SEM1: variants seen among roughly 807,000 people sequenced by gnomAD.
SEM1 encodes the protein 26S proteasome complex subunit SEM1.
Under a neutral mutation model 12.7 loss-of-function variants are expected in SEM1, and 3 were observed. The observed-to-expected ratio is 0.24, with a 90% CI of 0.11 to 0.61. The LOEUF (loss-of-function observed/expected upper bound fraction) is 0.61. Ranked by LOEUF, SEM1 falls within the 20% of genes least tolerant of loss-of-function variation. The pLI, the probability that SEM1 is intolerant of heterozygous loss-of-function variation, is 0.88. For missense variants in SEM1, 59 were observed against 81.3 expected, an observed-to-expected ratio of 0.73 and a Z score of 1.06; for synonymous variants, 30 against 27.8, an observed-to-expected ratio of 1.08 and a Z score of -0.25.
intron 2 of SEM1, among the ~76,000 whole-genome samples, chr7:96,623,575 GTTTA>G (rs1366415689): frequency 6.8e-6 from 1 of 146,708 alleles, no homozygotes; most frequent in Non-Finnish European, 1.5e-5. Flanking sequence ...ATATGTACTT[GTTTA>G]TTATATATAA....
At chr7:96,554,973 G>C in intron 2 of SEM1, among the ~76,000 whole-genome samples, 1 of 131,716 alleles carries the variant, frequency 7.6e-6, no homozygotes, top group Non-Finnish European at 1.7e-5. Context: ...AGATTTTCTG[G>C]TTTATTTGCG....
chr7:96,597,242 C>T (rs1018889047), intron 2 of SEM1, among the ~76,000 whole-genome samples: 5 of 152,062 alleles, frequency 3.3e-5, no homozygotes, highest in African/African-American at 1.2e-4. Context: ...TAGGAGTATA[C>T]GTGAAATAAT....
At chr7:96,577,647 A>G (rs1266102691) in intron 2 of SEM1, among the ~76,000 whole-genome samples, 3 of 152,124 alleles carry the variant, frequency 2.0e-5, no homozygotes, top group Non-Finnish European at 4.4e-5. Flanking sequence ...GAAAACCCAG[A>G]GCTCAGGATT....
At chr7:96,702,612 A>AT (rs974252560) in intron 1 of SEM1, among the ~76,000 whole-genome samples, 2 of 152,184 alleles carry the variant, frequency 1.3e-5, no homozygotes, top group African/African-American at 4.8e-5. Context: ...ACTGCTATAC[A>AT]TTTTTTAAAA....
At chr7:96,658,801 G>C (rs1196282628) in intron 2 of SEM1, among the ~76,000 whole-genome samples, 1 of 152,174 alleles carries the variant, frequency 6.6e-6, no homozygotes, top group Non-Finnish European at 1.5e-5. Context: ...TCAGAGGTGG[G>C]GCAAATGGTT....
intron 2 of SEM1, among the ~76,000 whole-genome samples, chr7:96,583,221 C>T (rs1395507689): frequency 1.5e-4 from 23 of 148,844 alleles, no homozygotes; most frequent in Non-Finnish European, 3.3e-4. Flanking sequence ...GCCTTCATTT[C>T]GTTATGTATC....
At chr7:96,691,803 T>C (rs1048695247) in intron 2 of SEM1, among the ~76,000 whole-genome samples, 2 of 152,258 alleles carry the variant, frequency 1.3e-5, no homozygotes, top group African/African-American at 4.8e-5. Flanking sequence ...CCACATTTCA[T>C]GTGCTTAGTA....
At chr7:96,655,442 C>CTTTTTTTTTTTT (rs72335497) in intron 2 of SEM1, among the ~76,000 whole-genome samples, 1 of 137,698 alleles carries the variant, frequency 7.3e-6, no homozygotes, top group Non-Finnish European at 1.6e-5. Context: ...ATGCAAATAC[C>CTTTTTTTTTTTT]TTTTTTTTTT....
intron 1 of SEM1, among the ~76,000 whole-genome samples, chr7:96,488,714 G>A (rs972374616): frequency 3.3e-5 from 5 of 152,004 alleles, no homozygotes; most frequent in Non-Finnish European, 7.4e-5. Flanking sequence ...TTTTACCAAC[G>A]CTTTTCATCA....
chr7:96,603,648 G>A (rs780649284), intron 2 of SEM1, among the ~76,000 whole-genome samples: 10 of 151,898 alleles, frequency 6.6e-5, no homozygotes, highest in Non-Finnish European at 1.0e-4. Context: ...TGCTATTCCC[G>A]TCTTTCTTGG....
chr7:96,617,348 G>T (rs1363121373), intron 2 of SEM1, among the ~76,000 whole-genome samples: 2 of 151,984 alleles, frequency 1.3e-5, no homozygotes. Flanking sequence ...TTCTTAGCTA[G>T]ATCATTGTTG....
intron 2 of SEM1, among the ~76,000 whole-genome samples, chr7:96,653,471 G>C (rs998201306): frequency 2.0e-5 from 3 of 152,170 alleles, no homozygotes. Context: ...GGCAATTAAG[G>C]TGATTTCAGC....
chr7:96,688,726 G>C, downstream of SEM1: 2 of 449,156 alleles, frequency 4.5e-6, no homozygotes, highest in Non-Finnish European at 7.8e-6. Context: ...CAAGAAAATT[G>C]ATTAGAAGCA....
upstream of SEM1, among the ~76,000 whole-genome samples, chr7:96,498,227 C>T (rs969824416): frequency 1.3e-5 from 2 of 152,116 alleles, no homozygotes; most frequent in Admixed American, 6.5e-5. Context: ...TTTTAAGCAA[C>T]ATTCCTATTG....
chr7:96,649,802 A>G (rs1808912951), intron 2 of SEM1: 1 of 152,220 alleles, frequency 6.6e-6, no homozygotes, highest in Non-Finnish European at 1.5e-5. Flanking sequence ...CACCCTGTGT[A>G]ATAAATATTA....
At chr7:96,501,723 T>C (rs1038265309) in intron 3 of SEM1, among the ~76,000 whole-genome samples, 6 of 152,172 alleles carry the variant, frequency 3.9e-5, no homozygotes, top group African/African-American at 1.4e-4. Flanking sequence ...TGTGAATTAT[T>C]ATTATTTTTT....
chr7:96,592,178 G>T (rs542648202), intron 2 of SEM1, among the ~76,000 whole-genome samples: 1 of 151,740 alleles, frequency 6.6e-6, no homozygotes, highest in Non-Finnish European at 1.5e-5. Context: ...TACCTAAGAC[G>T]CCAGTCAATG....
intron 3 of SEM1, among the ~76,000 whole-genome samples, chr7:96,501,596 T>C (rs923067426): frequency 6.6e-6 from 1 of 152,192 alleles, no homozygotes; most frequent in South Asian, 2.1e-4. Context: ...CAACCTGTCA[T>C]TGAGCACACT....
At chr7:96,647,312 T>C (rs1808825812) in intron 2 of SEM1, 1 of 152,232 alleles carries the variant, frequency 6.6e-6, no homozygotes, top group Non-Finnish European at 1.5e-5. Context: ...AGATCATGCA[T>C]GTCATATAGT....
Sources: gnomAD v4.1 joint callset for allele counts (sites outside exome capture counted in the v4.1 genomes callset) on GRCh38, gnomAD v4.1.1 for gene constraint, MANE v1.5 for transcripts, NCBI Gene and HGNC (gene_info 2026-07-23, HGNC 2026-07-21) for gene names.